Variants in SRL observed in about 807,000 individuals in gnomAD.
The protein encoded by SRL is sarcalumenin.
Under a neutral mutation model 39.5 loss-of-function variants are expected in SRL, and 23 were observed. That is an observed-to-expected ratio of 0.58 (90% CI 0.42 to 0.82). The LOEUF is 0.82. Among genes scored for constraint, SRL ranks in the 40% least tolerant of loss-of-function variants. SRL has a pLI of 0.00. For missense variants in SRL, 592 were observed against 607.8 expected, an observed-to-expected ratio of 0.97 and a Z score of 0.27; for synonymous variants, 272 against 237.4, an observed-to-expected ratio of 1.15 and a Z score of -1.34.
At chr16:4,207,055 C>T (rs866354950) in intron 1 of SRL, 15 of 453,354 alleles carry the variant, frequency 3.3e-5, no homozygotes, top group Middle Eastern at 6.6e-4. Context: ...TCCTGCAGAT[C>T]CCCGCCTTCC....
intron 1 of SRL, chr16:4,207,808 C>T (rs112473066): frequency 1.5e-5 from 7 of 456,300 alleles, no homozygotes; most frequent in African/African-American, 4.0e-5. Context: ...TTTTCCTCCC[C>T]AGGCCCCGCA....
At chr16:4,239,358 C>T (rs368528229) in intron 1 of SRL, among the ~76,000 whole-genome samples, 148 of 152,284 alleles carry the variant, frequency 9.7e-4, no homozygotes, top group African/African-American at 3.5e-3. Context: ...AAGTCTGAAG[C>T]TAGGGCTGGA....
chr16:4,217,152 G>A (rs1472008079), intron 1 of SRL, among the ~76,000 whole-genome samples: 6 of 152,184 alleles, frequency 3.9e-5, no homozygotes, highest in African/African-American at 1.4e-4. Flanking sequence ...CCACGGCTAT[G>A]CCTTTTCTTT....
chr16:4,224,027 G>A lies in SRL; in HGVS notation c.61+17980C>T, dbSNP rs999701340. ...GAAGAGAGAGGAGCAGCTGGTGGTC[G>A]GGGGCCCTCACAGCAACTACCATGG... On this transcript the variant is annotated intron_variant, in intron 1 of 5. Coordinates refer to ENST00000399609, the MANE Select transcript of SRL (RefSeq NM_001098814.2). 2.8e-4 allele frequency among the ~76,000 whole-genome samples: 43 copies of A among 152,154 alleles called. 2 individuals carry two copies. The highest frequency in any genetic ancestry group is 2.1e-3 in the Admixed American group (32 of 15,270).
chr16:4,225,941 T>C (rs904014603), intron 1 of SRL, among the ~76,000 whole-genome samples: 2 of 152,060 alleles, frequency 1.3e-5, no homozygotes, highest in Admixed American at 1.3e-4. Context: ...TGCCCCCTCG[T>C]CCACTGTGTC....
intron 1 of SRL, among the ~76,000 whole-genome samples, chr16:4,240,505 C>T (rs1401872562): frequency 1.3e-5 from 2 of 152,106 alleles, no homozygotes; most frequent in African/African-American, 2.4e-5. Flanking sequence ...GGAAGCTTTA[C>T]GCCGGAGGTT....
chr16:4,207,794 A>G (rs1387295026), intron 1 of SRL: 2 of 455,546 alleles, frequency 4.4e-6, no homozygotes, highest in African/African-American at 4.0e-5. Flanking sequence ...CTGGTGGGCC[A>G]TTCTTTTCCT....
chr16:4,207,387 G>A (rs777798130), intron 1 of SRL: 13 of 456,534 alleles, frequency 2.8e-5, no homozygotes, highest in Admixed American at 2.3e-5. Flanking sequence ...GCCCTCACTG[G>A]CTTGTGTGTC....
intron 1 of SRL, 24 bp downstream of exon 1, chr16:4,241,983 G>C: frequency 6.2e-7 from 1 of 1,613,438 alleles, no homozygotes; most frequent in Non-Finnish European, 8.5e-7. Flanking sequence ...AGTCTGGGCT[G>C]GGTCATGCTG....
Position 4,212,497 on chromosome 16 carries a change from G to A in SRL, c.62-7863C>T, listed in dbSNP as rs141258427. 5.3e-3 allele frequency among the ~76,000 whole-genome samples: 806 copies of A among 152,274 alleles called. 5 individuals are homozygous for A. Among genetic ancestry groups the A allele is most frequent in the Middle Eastern group, 0.014 (4 of 294 alleles). On this transcript the variant is annotated intron_variant, in intron 1 of 5. Coordinates refer to ENST00000399609, the MANE Select transcript of SRL (RefSeq NM_001098814.2). ...TTTCCCACCTCCCTTGCTTCTTGCC[G>A]AAGCACCCTATTGGCCCTGGAGCAG...
chr16:4,217,913 T>C (rs1247429960), intron 1 of SRL, among the ~76,000 whole-genome samples: 2 of 152,010 alleles, frequency 1.3e-5, no homozygotes, highest in Non-Finnish European at 2.9e-5. Context: ...CCCGGAGCCA[T>C]CCATCCTTCT....
At position 4,203,151 on chromosome 16, in the gene SRL, T is replaced by G. The variant is rs372725864; in HGVS notation, c.259+15A>C. On this transcript the variant is annotated intron_variant, in intron 3 of 5. Transcript: ENST00000399609. ...ACCCGTAATCTCAAGCCCTACCTGT[T>G]ATCTCAAGCCCTACCTGTGATCTCA... 9.3e-6 allele frequency: 15 copies of G among 1,608,032 alleles called. No homozygotes were observed. The South Asian group carries it at 9.9e-5, about 11-fold the overall frequency.
intron 1 of SRL, among the ~76,000 whole-genome samples, chr16:4,233,207 G>A (rs183372741): frequency 6.6e-6 from 1 of 152,244 alleles, no homozygotes; most frequent in Admixed American, 6.5e-5. Context: ...AATCTCCCCC[G>A]AACACGAGCC....
chr16:4,223,243 A>C (rs1320118264), intron 1 of SRL, among the ~76,000 whole-genome samples: 4 of 151,682 alleles, frequency 2.6e-5, no homozygotes, highest in Non-Finnish European at 1.5e-5. Flanking sequence ...AAAAAAAAAA[A>C]AAAAAAGCAA....
intron 1 of SRL, among the ~76,000 whole-genome samples, 165 bp downstream of exon 1, chr16:4,241,842 C>A (rs1436311949): frequency 1.3e-5 from 2 of 152,230 alleles, no homozygotes; most frequent in African/African-American, 4.8e-5. Flanking sequence ...CCAGCTCTTT[C>A]TCTGAGGCCC....
At chr16:4,220,112 G>A (rs778439445) in intron 1 of SRL, among the ~76,000 whole-genome samples, 2 of 152,082 alleles carry the variant, frequency 1.3e-5, no homozygotes, top group Non-Finnish European at 2.9e-5. Context: ...GAGTACAGGT[G>A]TCCAGAACAC....
At chr16:4,200,621 C>T (rs971237651) in intron 3 of SRL, among the ~76,000 whole-genome samples, 2 of 152,182 alleles carry the variant, frequency 1.3e-5, no homozygotes, top group African/African-American at 4.8e-5. Flanking sequence ...GCCAAGACTC[C>T]GGGTCTTAGG....
At chr16:4,235,808 G>A (rs2052708151) in intron 1 of SRL, among the ~76,000 whole-genome samples, 1 of 152,166 alleles carries the variant, frequency 6.6e-6, no homozygotes, top group South Asian at 2.1e-4. Flanking sequence ...GCTAGCCCTG[G>A]GCCGGGCACG....
Position 4,189,953 on chromosome 16 carries a change from G to A in SRL, c.*2200C>T, listed in dbSNP as rs1016544655. 6 of 234,360 alleles carry A rather than the reference G, an allele frequency of 2.6e-5. No individual in the cohort carries two copies. Among genetic ancestry groups the A allele is most frequent in the Middle Eastern group, 1.4e-3 (1 of 736 alleles). 14.5% of individuals were successfully genotyped at this position (234,360 alleles called of 1,614,324 possible). A position where few individuals can be genotyped will look rare whatever the true frequency, so the allele number is the denominator to read the frequency against. On this transcript the variant is annotated 3_prime_UTR_variant, in exon 6 of 6. Transcript: ENST00000399609. ...AGGGCAGACAGTACAGAGATGAGGC[G>A]AGGGGTTCTGGGGTTTGCGGAGGGT...
Sources: gnomAD v4.1 joint callset for allele counts (sites outside exome capture counted in the v4.1 genomes callset) on GRCh38, gnomAD v4.1.1 for gene constraint, MANE v1.5 for transcripts, NCBI Gene and HGNC (gene_info 2026-07-23, HGNC 2026-07-21) for gene names.